Variants in EFR3B observed in about 807,000 individuals in gnomAD.
The protein encoded by EFR3B is protein EFR3 homolog B.
In EFR3B, 64 loss-of-function variants were observed where a neutral mutation model predicts 104.7. That is an observed-to-expected ratio of 0.61 (90% confidence interval 0.50 to 0.75). EFR3B has a LOEUF of 0.75. Among genes scored for constraint, EFR3B ranks in the 30% least tolerant of loss-of-function variants. EFR3B has a pLI of 0.00. For synonymous variants in EFR3B, 385 were observed against 417.9 expected (o/e 0.92, Z 0.96); for missense variants, 750 against 1,078.5 (o/e 0.70, Z 4.27).
intron 1 of EFR3B, chr2:25,080,852 T>C: frequency 1.2e-6 from 1 of 849,690 alleles, no homozygotes; most frequent in Non-Finnish European, 2.1e-6. Flanking sequence ...TTATCATGGT[T>C]GCATCATATT....
At chr2:25,141,286 G>C (rs994360628) in intron 16 of EFR3B, 80 bp from the exon 17 acceptor site, 21 of 1,453,344 alleles carry the variant, frequency 1.4e-5, no homozygotes, top group Non-Finnish European at 1.9e-5. Flanking sequence ...GCACCGAGCC[G>C]GGCATGGGAG....
intron 1 of EFR3B, among the ~76,000 whole-genome samples, chr2:25,071,363 C>T (rs955481491): frequency 1.3e-5 from 2 of 151,334 alleles, no homozygotes; most frequent in Non-Finnish European, 2.9e-5. Flanking sequence ...TGGGTTCAAG[C>T]GATTCTCCTG....
At chr2:25,106,311 G>A (rs1355929568) in intron 4 of EFR3B, among the ~76,000 whole-genome samples, 1 of 151,656 alleles carries the variant, frequency 6.6e-6, no homozygotes, top group Non-Finnish European at 1.5e-5. Flanking sequence ...TTTTTTTGAG[G>A]CAGAGCCTCG....
intron 3 of EFR3B, 49 bp downstream of exon 3, chr2:25,093,179 T>C (rs1289440263): frequency 6.5e-7 from 1 of 1,542,510 alleles, no homozygotes; most frequent in African/African-American, 1.4e-5. Context: ...ACTATATTGT[T>C]AGGCTAAACA....
chr2:25,159,014 C>T lies in EFR3B; in HGVS notation c.*4674C>T, dbSNP rs1022463599. The T allele has an allele frequency of 3.9e-5, 6 of 152,238 alleles. No individual in the cohort carries two copies. The highest frequency in any genetic ancestry group is 2.1e-4 in the South Asian group (1 of 4,820). The allele number at this position is 152,238 out of a possible 1,614,324, so 9.4% of individuals were successfully genotyped here. On this transcript the variant is annotated 3_prime_UTR_variant, in exon 23 of 23. Coordinates refer to ENST00000403714, the MANE Select transcript of EFR3B (RefSeq NM_014971.2). The stretch of plus-strand genomic sequence containing the variant: ...TTTTATTTTAGGGAAGTGGGAAAGG[C>T]GGAGTGGGGGGAAGTATAGGAAGAA...
At chr2:25,149,549 G>A (rs75316949) in intron 19 of EFR3B, 145 bp from the exon 20 acceptor site, 7 of 761,526 alleles carry the variant, frequency 9.2e-6, no homozygotes, top group South Asian at 7.8e-5. Flanking sequence ...GAGACCCTGA[G>A]GGGGGTGGGG....
At chr2:25,133,306 G>T in intron 11 of EFR3B, 77 bp from the exon 12 acceptor site, 1 of 1,440,484 alleles carries the variant, frequency 6.9e-7, no homozygotes, top group South Asian at 1.2e-5. Context: ...AAACGAATTG[G>T]GGTAGAACTA....
chr2:25,054,630 G>A (rs1667970534), intron 1 of EFR3B, among the ~76,000 whole-genome samples: 1 of 152,156 alleles, frequency 6.6e-6, no homozygotes, highest in Admixed American at 6.5e-5. Context: ...TTTTATGGAT[G>A]CTTCTGAAAT....
At chr2:25,063,416 A>G (rs752734611) in intron 1 of EFR3B, among the ~76,000 whole-genome samples, 1 of 152,252 alleles carries the variant, frequency 6.6e-6, no homozygotes. Context: ...TAGGAATGGT[A>G]TATATTTTTT....
chr2:25,104,750 G>T (rs370822316), intron 4 of EFR3B, among the ~76,000 whole-genome samples: 1 of 152,212 alleles, frequency 6.6e-6, no homozygotes, highest in South Asian at 2.1e-4. Flanking sequence ...CCCTTCCCTC[G>T]CTGTGAAGCG....
intron 1 of EFR3B, among the ~76,000 whole-genome samples, chr2:25,082,547 C>T (rs985747525): frequency 3.3e-5 from 5 of 152,304 alleles, no homozygotes; most frequent in African/African-American, 1.2e-4. Context: ...TTGCAAACAC[C>T]CAGAGATCTT....
rs1270469133 is a variant in EFR3B at position 25,042,757 on chromosome 2, A to AGGCGGCGCC, written c.7+447_7+455dup. 5.2e-6 allele frequency: 5 copies of AGGCGGCGCC among 953,288 alleles called. No homozygotes were observed. Among genetic ancestry groups the AGGCGGCGCC allele is most frequent in the Non-Finnish European group, 6.3e-6 (5 of 799,898 alleles). The allele number at this position is 953,288 out of a possible 1,614,324, so 59.1% of individuals were successfully genotyped here. A position where few individuals can be genotyped will look rare whatever the true frequency, so the allele number is the denominator to read the frequency against. ...GTCTGCGCGGCTCGGAGAAGGCGGG[A>AGGCGGCGCC]GGCGGCGCCGGCGGCGCAGAGGCCC... On this transcript the variant is annotated intron_variant, in intron 1 of 22. Coordinates refer to ENST00000403714, the MANE Select transcript of EFR3B (RefSeq NM_014971.2). The surrounding 1 kb of genome is among the most constrained non-coding windows in gnomAD (Gnocchi z 5.4).
chr2:25,151,084 A>T (rs927526009), intron 20 of EFR3B, among the ~76,000 whole-genome samples: 3 of 151,454 alleles, frequency 2.0e-5, no homozygotes, highest in African/African-American at 4.8e-5. Context: ...ACTCAACAGT[A>T]TTATGGACAT....
At chr2:25,119,590 C>T (rs1212572854) in intron 4 of EFR3B, among the ~76,000 whole-genome samples, 1 of 152,224 alleles carries the variant, frequency 6.6e-6, no homozygotes, top group Non-Finnish European at 1.5e-5. Flanking sequence ...TGTGCCTCTT[C>T]TGCGTCACCA....
chr2:25,044,111 TTATAA>T (rs1362926804), intron 1 of EFR3B, among the ~76,000 whole-genome samples: 1 of 152,142 alleles, frequency 6.6e-6, no homozygotes, highest in Admixed American at 6.5e-5. Context: ...CATTTCTCTT[TTATAA>T]TATATTTTTA....
Position 25,154,181 on chromosome 2 carries a change from G to C in EFR3B, c.2349-54G>C. ...TACTCTGTTTGGTTGCACAAGGGTG[G>C]GATCCTAAAATTCTCTTTTCATGCC... On this transcript the variant is annotated intron_variant, in intron 22 of 22. Coordinates refer to ENST00000403714, the MANE Select transcript of EFR3B (RefSeq NM_014971.2). The surrounding 1 kb of genome is among the most constrained non-coding windows in gnomAD (Gnocchi z 4.1). 1 of 1,503,762 alleles carries C rather than the reference G, an allele frequency of 6.6e-7. No homozygotes were observed. The highest frequency in any genetic ancestry group is 9.1e-7 in the Non-Finnish European group (1 of 1,104,786). The allele number at this position is 1,503,762 out of a possible 1,614,324, so 93.2% of individuals were successfully genotyped here.
intron 1 of EFR3B, among the ~76,000 whole-genome samples, chr2:25,052,496 C>CT (rs56005417): frequency 0.015 from 1,469 of 95,578 alleles, 9 homozygotes; most frequent in South Asian, 0.02. Flanking sequence ...AGGCAGAATT[C>CT]TTTTTTTTTT....
At chr2:25,127,218 C>CAAAAAAAAAAAAAAAAAAAAAA (rs1232730358) in intron 5 of EFR3B, among the ~76,000 whole-genome samples, 4 of 114,622 alleles carry the variant, frequency 3.5e-5, no homozygotes, top group African/African-American at 3.4e-5. Context: ...AAAAAAAAAG[C>CAAAAAAAAAAAAAAAAAAAAAA]AAAACATTTG....
chr2:25,109,877 A>G (rs956390429), intron 4 of EFR3B, among the ~76,000 whole-genome samples: 9 of 152,202 alleles, frequency 5.9e-5, no homozygotes, highest in African/African-American at 2.2e-4. Flanking sequence ...AATTTTTTAA[A>G]AAGTTGTACT....
Sources: allele counts gnomAD v4.1 joint callset (sites outside exome capture counted in the v4.1 genomes callset), GRCh38; gene constraint gnomAD v4.1.1; non-coding constraint Gnocchi (gnomAD v3.1); transcripts MANE v1.5; gene names NCBI Gene and HGNC (gene_info 2026-07-23, HGNC 2026-07-21).